The following ADARB1 variants were observed in gnomAD, a reference collection of about 807,000 sequenced individuals.
ADARB1 encodes adenosine deaminase RNA specific B1.
Under a neutral mutation model 52.4 loss-of-function variants are expected in ADARB1, and 10 were observed. The observed-to-expected ratio is 0.19, with a 90% CI of 0.12 to 0.32. The LOEUF is 0.32. Among genes scored for constraint, ADARB1 ranks in the 10% least tolerant of loss-of-function variants. ADARB1 has a pLI of 1.00. For synonymous variants in ADARB1, 349 were observed against 371.1 expected (o/e 0.94, Z 0.68); for missense variants, 643 against 922.3 (o/e 0.70, Z 3.92).
intron 1 of ADARB1, among the ~76,000 whole-genome samples, 181 bp downstream of exon 1, chr21:45,074,974 C>T (rs1220530912): frequency 6.6e-6 from 1 of 151,072 alleles, no homozygotes; most frequent in African/African-American, 2.4e-5. Context: ...CACCCACCCT[C>T]CTGGGTCGCC....
intron 1 of ADARB1, among the ~76,000 whole-genome samples, chr21:45,126,891 A>G (rs2088618336): frequency 6.6e-6 from 1 of 152,076 alleles, no homozygotes; most frequent in South Asian, 2.1e-4. Flanking sequence ...GGGAGGTCAG[A>G]TTTCTTGGCC....
At position 45,225,585 on chromosome 21, in the gene ADARB1, C is replaced by T; in HGVS notation, c.*3388C>T. 7.5e-7 allele frequency: 1 copy of T among 1,330,220 alleles called. No individual in the cohort carries two copies. Among genetic ancestry groups the T allele is most frequent in the Non-Finnish European group, 9.7e-7 (1 of 1,028,316 alleles). 82.4% of individuals were successfully genotyped at this position (1,330,220 alleles called of 1,614,324 possible). A position where few individuals can be genotyped will look rare whatever the true frequency, so the allele number is the denominator to read the frequency against. Reference sequence around the variant, plus strand: ...GGGACGGCTCCGTCTTCACATTGTGCACAGATCTGAGGATGGGATTAGCGA... The same window carrying T: ...GGGACGGCTCCGTCTTCACATTGTGTACAGATCTGAGGATGGGATTAGCGA... On this transcript the variant is annotated 3_prime_UTR_variant, in exon 11 of 11. Coordinates refer to ENST00000348831, the MANE Select transcript of ADARB1 (RefSeq NM_001112.4).
chr21:45,217,266 T>A (rs954972071), intron 9 of ADARB1, among the ~76,000 whole-genome samples: 1 of 152,086 alleles, frequency 6.6e-6, no homozygotes, highest in African/African-American at 2.4e-5. Context: ...ACGTGTTTCA[T>A]ATGTTCTTTG....
intron 8 of ADARB1, among the ~76,000 whole-genome samples, chr21:45,195,826 T>G (rs910146745): frequency 1.3e-5 from 2 of 152,212 alleles, no homozygotes; most frequent in African/African-American, 4.8e-5. Flanking sequence ...TAGTAAGTCT[T>G]TAAGTCAGGT....
Position 45,204,873 on chromosome 21 carries a change from A to G in ADARB1, c.1747+137A>G, listed in dbSNP as rs528044533. ...ATCAGAGTCCTTCTAAAGAGACCCA[A>G]GGTGATGTTTCTGAGGCTCTCCGGG... On this transcript the variant is annotated intron_variant, in intron 9 of 10. Transcript: ENST00000348831. The surrounding 1 kb of genome is among the most constrained non-coding windows in gnomAD (Gnocchi z 4.4). 40 of 951,824 alleles carry G rather than the reference A, an allele frequency of 4.2e-5. No individual in the cohort carries two copies. The South Asian group carries it at 5.0e-4, about 12-fold the overall frequency. The allele number at this position is 951,824 out of a possible 1,614,324, so 59.0% of individuals were successfully genotyped here.
intron 9 of ADARB1, among the ~76,000 whole-genome samples, chr21:45,216,417 T>A (rs2092864322): frequency 6.6e-6 from 1 of 152,190 alleles, no homozygotes; most frequent in Non-Finnish European, 1.5e-5. Context: ...TTTAAGACCC[T>A]TTTTACTGCT....
At position 45,200,964 on chromosome 21, in the gene ADARB1, G is replaced by A. The variant is rs2092541239; in HGVS notation, c.1566-3591G>A. Among the ~76,000 whole-genome samples, 1 of 152,226 alleles carries A rather than the reference G, an allele frequency of 6.6e-6. No homozygotes were observed. Among genetic ancestry groups the A allele is most frequent in the African/African-American group, 2.4e-5 (1 of 41,444 alleles). ...AAATGGCACAAGGAAAATGAAAGAC[G>A]AAGAAGGCCAGGCACAGATGCCTAG... is the stretch of plus-strand genomic sequence containing the variant. On this transcript the variant is annotated intron_variant, in intron 8 of 10. Transcript: ENST00000348831. The surrounding 1 kb of genome is among the most constrained non-coding windows in gnomAD (Gnocchi z 5.0).
intron 2 of ADARB1, among the ~76,000 whole-genome samples, chr21:45,129,731 G>C (rs906279750): frequency 6.6e-6 from 1 of 152,040 alleles, no homozygotes; most frequent in Non-Finnish European, 1.5e-5. Context: ...ATAGGTAGGG[G>C]GCGGTCACCA....
chr21:45,081,744 C>T (rs2838772), intron 1 of ADARB1, among the ~76,000 whole-genome samples: 8,804 of 152,192 alleles, frequency 0.058, 313 homozygotes, highest in African/African-American at 0.099. Flanking sequence ...CGATGTGGTA[C>T]GCTGAGGCCC....
chr21:45,164,536 G>C (rs1248934745), intron 2 of ADARB1, among the ~76,000 whole-genome samples: 2 of 151,618 alleles, frequency 1.3e-5, no homozygotes, highest in African/African-American at 2.4e-5. Flanking sequence ...GGGAGAGGGA[G>C]CGGGGCGGTG....
intron 1 of ADARB1, among the ~76,000 whole-genome samples, chr21:45,091,210 C>T (rs1216623652): frequency 2.6e-5 from 4 of 152,328 alleles, no homozygotes; most frequent in Admixed American, 6.5e-5. Flanking sequence ...TGCCAATTTT[C>T]CCCTAACTCA....
At position 45,176,478 on chromosome 21, in the gene ADARB1, T is replaced by C. The variant is rs150844459; in HGVS notation, c.777T>C (p.His259=). 149 of 1,613,946 alleles carry C rather than the reference T, an allele frequency of 9.2e-5. No homozygotes were observed. Among genetic ancestry groups the C allele is most frequent in the Non-Finnish European group, 1.2e-4 (142 of 1,180,008 alleles). The change falls in exon 4 of 11, where the codon CAT becomes CAC. Residue 259 remains histidine, a synonymous_variant. Transcript: ENST00000348831. This position sits in a 1 kb window ranked among gnomAD's most constrained non-coding sequence, Gnocchi z 5.8. ...YDFLSESGES[H]AKSFVMSVVV... ...TCCTCTCCGAGAGCGGGGAGAGCCATGCCAAGAGCTTCGTCATGTCTGTGG... is the reference window on the plus strand; with the variant it reads ...TCCTCTCCGAGAGCGGGGAGAGCCACGCCAAGAGCTTCGTCATGTCTGTGG...
chr21:45,115,866 G>T (rs2087795680), intron 1 of ADARB1, among the ~76,000 whole-genome samples: 1 of 152,150 alleles, frequency 6.6e-6, no homozygotes, highest in African/African-American at 2.4e-5. Flanking sequence ...AAAATCTGGG[G>T]CCATGATGTC....
intron 4 of ADARB1, 66 bp from the exon 5 acceptor site, chr21:45,180,264 T>C (rs2091881575): frequency 1.9e-5 from 22 of 1,147,194 alleles, no homozygotes; most frequent in South Asian, 1.4e-4. Context: ...GCGTGCAGCA[T>C]TGAGAGAGTG....
At chr21:45,093,534 A>T (rs1331531222) in intron 1 of ADARB1, among the ~76,000 whole-genome samples, 1 of 152,060 alleles carries the variant, frequency 6.6e-6, no homozygotes, top group African/African-American at 2.4e-5. Context: ...CTTGCGTTTC[A>T]TGCTGTGACT....
intron 1 of ADARB1, among the ~76,000 whole-genome samples, chr21:45,126,259 A>T (rs431465): frequency 0.013 from 1,955 of 152,230 alleles, 24 homozygotes; most frequent in Non-Finnish European, 0.017. Flanking sequence ...GAAGTGGCTC[A>T]TGTGTCCTTG....
At position 45,206,763 on chromosome 21, in the gene ADARB1, G is replaced by A. The variant is rs139368641; in HGVS notation, c.1747+2027G>A. Reference sequence around the variant, plus strand: ...TAATTTTTGTATTTTTAGTAGAGACGGGGTTTCACCATGTTGACCAGGCTG... The same window carrying A: ...TAATTTTTGTATTTTTAGTAGAGACAGGGTTTCACCATGTTGACCAGGCTG... On this transcript the variant is annotated intron_variant, in intron 9 of 10. Coordinates refer to ENST00000348831, the MANE Select transcript of ADARB1 (RefSeq NM_001112.4). Among the ~76,000 whole-genome samples the A allele has an allele frequency of 7.0e-3, 1,056 of 151,806 alleles. 16 individuals carry two copies. The highest frequency in any genetic ancestry group is 0.024 in the African/African-American group (1,007 of 41,378).
At chr21:45,133,710 A>G in intron 2 of ADARB1, 1 of 250,378 alleles carries the variant, frequency 4.0e-6, no homozygotes, top group Non-Finnish European at 7.9e-6. Flanking sequence ...TGTGCGACCG[A>G]TGGGTGTATG....
intron 6 of ADARB1, 102 bp from the exon 7 acceptor site, chr21:45,183,260 C>A: frequency 8.6e-7 from 1 of 1,166,668 alleles, no homozygotes; most frequent in Non-Finnish European, 1.2e-6. Flanking sequence ...CCAGTTCAAA[C>A]TTATCTTTCC....
Sources: gnomAD v4.1 joint callset for allele counts (sites outside exome capture counted in the v4.1 genomes callset) on GRCh38, gnomAD v4.1.1 for gene constraint, Gnocchi (gnomAD v3.1) non-coding constraint, MANE v1.5 for transcripts, NCBI Gene and HGNC (gene_info 2026-07-23, HGNC 2026-07-21) for gene names.